Variants in DZIP1 observed in about 807,000 individuals in gnomAD.
DZIP1 encodes DAZ interacting zinc finger protein 1.
Under a neutral mutation model 107.6 loss-of-function variants are expected in DZIP1, and 97 were observed. The observed-to-expected ratio is 0.90, with a 90% CI of 0.77 to 1.07. DZIP1 has a LOEUF of 1.07. DZIP1 is among the 50% of genes least tolerant of loss of function. DZIP1 has a pLI of 0.00. For synonymous variants in DZIP1, 390 were observed against 386.4 expected (o/e 1.01, Z -0.11); for missense variants, 1,035 against 1,063.6 (o/e 0.97, Z 0.37).
chr13:95,631,073 G>C (rs1877136154), intron 6 of DZIP1, among the ~76,000 whole-genome samples: 1 of 152,172 alleles, frequency 6.6e-6, no homozygotes. Context: ...AAATGGGCAA[G>C]AATGGAAACA....
intron 15 of DZIP1, among the ~76,000 whole-genome samples, chr13:95,595,150 C>T (rs2044410379): frequency 6.6e-6 from 1 of 152,204 alleles, no homozygotes; most frequent in African/African-American, 2.4e-5. Flanking sequence ...TCCAGGCCAC[C>T]CGAGAGACTC....
chr13:95,623,051 G>A (rs1238635289), intron 8 of DZIP1, among the ~76,000 whole-genome samples: 1 of 152,054 alleles, frequency 6.6e-6, no homozygotes, highest in Non-Finnish European at 1.5e-5. Context: ...CCCAGCTGGG[G>A]CTTAAAATTT....
intron 15 of DZIP1, 62 bp from the exon 16 acceptor site, chr13:95,594,148 A>C: frequency 7.2e-7 from 1 of 1,397,304 alleles, no homozygotes; most frequent in Admixed American, 2.4e-5. Flanking sequence ...AAAAATCTCT[A>C]AGCAGAAAAT....
At position 95,589,212 on chromosome 13, in the gene DZIP1, A is replaced by G. The variant is rs1457165585; in HGVS notation, c.1974-5T>C. On this transcript the variant is annotated splice_polypyrimidine_tract_variant and splice_region_variant and intron_variant, in intron 18 of 22. Transcript: ENST00000376829. ...TCCATGACATTTTTCTTAATTCTAA[A>G]AAAACAACAGAAAAATATTTTTAAA... 2.5e-6 allele frequency: 4 copies of G among 1,581,824 alleles called. No individual in the cohort carries two copies. The highest frequency in any genetic ancestry group is 3.5e-6 in the Non-Finnish European group (4 of 1,157,326).
At chr13:95,629,674 C>T (rs1594729339) in intron 7 of DZIP1, among the ~76,000 whole-genome samples, 2 of 152,176 alleles carry the variant, frequency 1.3e-5, no homozygotes, top group Non-Finnish European at 2.9e-5. Context: ...GGCACATGGT[C>T]CTCCTGACAC....
chr13:95,639,590 C>CAAAA (rs34000481), intron 5 of DZIP1, among the ~76,000 whole-genome samples: 2 of 85,564 alleles, frequency 2.3e-5, no homozygotes, highest in Non-Finnish European at 4.5e-5. Context: ...GACTCCATCT[C>CAAAA]AAAAAAAAAA....
intron 14 of DZIP1, among the ~76,000 whole-genome samples, chr13:95,603,552 C>G (rs2044683595): frequency 6.6e-6 from 1 of 152,074 alleles, no homozygotes; most frequent in Non-Finnish European, 1.5e-5. Flanking sequence ...GCAACCTAAG[C>G]AATTGGTGTA....
chr13:95,630,184 T>C, intron 6 of DZIP1, 71 bp from the exon 7 acceptor site: 1 of 1,499,888 alleles, frequency 6.7e-7, no homozygotes, highest in Non-Finnish European at 8.9e-7. Context: ...TGGGGTACAG[T>C]CCTGTTGATA....
chr13:95,619,752 T>A, intron 10 of DZIP1, 133 bp downstream of exon 10: 1 of 771,184 alleles, frequency 1.3e-6, no homozygotes, highest in Non-Finnish European at 2.0e-6. Flanking sequence ...GTTAGAATTA[T>A]AGGTAATTTT....
At chr13:95,584,567 G>A in intron 22 of DZIP1, 169 bp downstream of exon 22, 2 of 1,250,696 alleles carry the variant, frequency 1.6e-6, no homozygotes, top group Non-Finnish European at 2.0e-6. Context: ...AAATATATAT[G>A]AATCAGTGAG....
At chr13:95,585,843 T>C (rs1200344169) in intron 21 of DZIP1, among the ~76,000 whole-genome samples, 163 bp downstream of exon 21, 1 of 152,200 alleles carries the variant, frequency 6.6e-6, no homozygotes, top group Non-Finnish European at 1.5e-5. Context: ...TCTTTGTCTA[T>C]GGAATGGAAA....
At chr13:95,618,857 T>C (rs1875473582) in intron 10 of DZIP1, among the ~76,000 whole-genome samples, 2 of 152,210 alleles carry the variant, frequency 1.3e-5, no homozygotes, top group Admixed American at 1.3e-4. Flanking sequence ...CAAAACACAA[T>C]TTCAAGTGAA....
intron 13 of DZIP1, among the ~76,000 whole-genome samples, chr13:95,608,447 G>T (rs867977846): frequency 1.2e-3 from 172 of 138,264 alleles, no homozygotes; most frequent in Middle Eastern, 3.9e-3. Context: ...ATAGACTTGG[G>T]TTTTTTTTTT....
At chr13:95,619,760 T>G (rs1017806701) in intron 10 of DZIP1, 125 bp downstream of exon 10, 33 of 884,410 alleles carry the variant, frequency 3.7e-5, no homozygotes, top group Non-Finnish European at 5.4e-5. Context: ...TATAGGTAAT[T>G]TTAATTTTGC....
At chr13:95,611,201 T>C (rs1013132483) in intron 12 of DZIP1, among the ~76,000 whole-genome samples, 2 of 152,234 alleles carry the variant, frequency 1.3e-5, no homozygotes, top group African/African-American at 4.8e-5. Flanking sequence ...ATGTGCCTAA[T>C]AGTACTCTGA....
intron 5 of DZIP1, among the ~76,000 whole-genome samples, chr13:95,636,250 G>A (rs951245994): frequency 2.0e-5 from 3 of 147,666 alleles, no homozygotes; most frequent in Admixed American, 2.0e-4. Context: ...ATAAGAAAAA[G>A]CAAGGAATAG....
intron 1 of DZIP1, among the ~76,000 whole-genome samples, chr13:95,644,076 C>G (rs1477182186): frequency 1.3e-5 from 2 of 152,206 alleles, no homozygotes; most frequent in Non-Finnish European, 2.9e-5. Flanking sequence ...CTTTCCCGTT[C>G]CCTCCCTCCC....
intron 5 of DZIP1, chr13:95,637,250 C>T (rs1399852030): frequency 1.3e-5 from 2 of 151,982 alleles, no homozygotes; most frequent in Non-Finnish European, 2.9e-5. Context: ...TTTGAATGAG[C>T]ACATAAATAT....
In DZIP1 at chr13:95,606,053, G is replaced by T. The variant is rs1311532856; in HGVS notation, c.1427C>A (p.Ala476Asp). The T allele has an allele frequency of 6.2e-7, 1 of 1,613,676 alleles. No homozygotes were observed. The highest frequency in any genetic ancestry group is 1.7e-5 in the Admixed American group (1 of 59,992). The stretch of plus-strand genomic sequence containing the variant: ...AGTTTCCAAAGTGTGCAGGGCTGGG[G>T]CATTCACTGAAACAGCATAAAAAGG... ...QPAAPAVPMN[A>D]PALHTLETKS... The change falls in exon 14 of 23, where the codon GCC becomes GAC. Residue 476 changes from alanine (A) to aspartate (D), a missense_variant. By Grantham distance (126) the Ala-to-Asp change is moderately radical (BLOSUM62 -2). Coordinates refer to ENST00000376829, the MANE Select transcript of DZIP1 (RefSeq NM_198968.4).
Sources: allele counts gnomAD v4.1 joint callset (sites outside exome capture counted in the v4.1 genomes callset), GRCh38; gene constraint gnomAD v4.1.1; transcripts MANE v1.5; gene names NCBI Gene and HGNC (gene_info 2026-07-23, HGNC 2026-07-21).